Variants in ASXL1 observed in about 807,000 individuals in gnomAD.
ASXL1 encodes ASXL transcriptional regulator 1, also known as polycomb group protein ASXL1.
In ASXL1, 65 loss-of-function variants were observed where a neutral mutation model predicts 89.1. That is an observed-to-expected ratio of 0.73 (90% CI 0.60 to 0.90). ASXL1 has a LOEUF of 0.90. Among genes scored for constraint, ASXL1 ranks in the 40% least tolerant of loss-of-function variants. ASXL1 has a pLI of 0.00. For synonymous variants in ASXL1, 739 were observed against 746.9 expected (o/e 0.99, Z 0.17); for missense variants, 1,786 against 1,942.9 (o/e 0.92, Z 1.52).
At chr20:32,389,138 CAT>C (rs1211624044) in intron 4 of ASXL1, among the ~76,000 whole-genome samples, 2 of 152,070 alleles carry the variant, frequency 1.3e-5, no homozygotes, top group Non-Finnish European at 2.9e-5. Flanking sequence ...TTTTAACCCA[CAT>C]GTGTTACTGA....
chr20:32,423,269 G>A (rs1012259058), intron 4 of ASXL1, among the ~76,000 whole-genome samples: 7 of 151,128 alleles, frequency 4.6e-5, no homozygotes, highest in East Asian at 1.9e-4. Flanking sequence ...TCACTCTGTC[G>A]CCCTGGCTGA....
chr20:32,432,816 C>T (rs2123246793), intron 10 of ASXL1, 64 bp from the exon 11 acceptor site: 2 of 1,579,830 alleles, frequency 1.3e-6, no homozygotes. Flanking sequence ...GGAGATTCAG[C>T]TGTCCATAAG....
chr20:32,433,174 C>G, intron 11 of ASXL1, 110 bp from the exon 12 acceptor site: 1 of 1,558,346 alleles, frequency 6.4e-7, no homozygotes. Flanking sequence ...GTGCACCACA[C>G]AGATTTATTT....
chr20:32,365,513 G>A (rs1600469623), intron 1 of ASXL1, among the ~76,000 whole-genome samples: 1 of 152,166 alleles, frequency 6.6e-6, no homozygotes, highest in African/African-American at 2.4e-5. Flanking sequence ...CTTGGCTATG[G>A]CAGTTAAATG....
intron 1 of ASXL1, among the ~76,000 whole-genome samples, chr20:32,363,559 C>T (rs554858244): frequency 1.4e-4 from 22 of 152,338 alleles, no homozygotes; most frequent in Non-Finnish European, 2.8e-4. Context: ...ATCCCAGTTG[C>T]TGCCTCTTGT....
At chr20:32,394,250 C>T (rs1039082855) in intron 4 of ASXL1, among the ~76,000 whole-genome samples, 2 of 152,232 alleles carry the variant, frequency 1.3e-5, no homozygotes, top group South Asian at 2.1e-4. Context: ...GATCTGCCCG[C>T]CTTGGCCTCC....
At position 32,435,436 on chromosome 20, in the gene ASXL1, G is replaced by A. The variant is rs1285154495; in HGVS notation, c.2724G>A (p.Val908=). ...CCATCCCATCGAATGATGAGGTAGT[G>A]AAACAGCCCAAACCAGAATCCAGAG... ...WIPIPSNDEV[V]KQPKPESREH... is the part of the protein sequence containing the mutation. The change falls in exon 13 of 13, where the codon GTG becomes GTA. Residue 908 remains valine (V), a synonymous_variant. Transcript: ENST00000375687. The A allele has an allele frequency of 6.2e-7, 1 of 1,614,114 alleles. No individual in the cohort carries two copies. Among genetic ancestry groups the A allele is most frequent in the Middle Eastern group, 1.6e-4 (1 of 6,062 alleles).
intron 4 of ASXL1, among the ~76,000 whole-genome samples, chr20:32,426,881 A>T (rs1299832549): frequency 6.6e-6 from 1 of 152,028 alleles, no homozygotes; most frequent in South Asian, 2.1e-4. Context: ...TTAATTTAAG[A>T]TACATGATTT....
rs1308210159 is a variant in ASXL1, at chr20:32,435,018, C to T, written c.2306C>T (p.Thr769Ile). The T allele has an allele frequency of 1.9e-6, 3 of 1,614,214 alleles. No individual in the cohort carries two copies. Among genetic ancestry groups the T allele is most frequent in the South Asian group, 2.2e-5 (2 of 91,084 alleles). ...GCCTTGCCCCTACTGTCCTCCCAAA[C>T]CTCAGTAGCTGAGAGATTAGTGGAG... ...CQALPLLSSQ[T>I]SVAERLVEQP... Residue 769 changes from threonine to isoleucine, a missense_variant, in exon 13 of 13, where the codon ACC becomes ATC. Thr to Ile is a moderately conservative substitution (Grantham distance 89). Coordinates refer to ENST00000375687, the MANE Select transcript of ASXL1 (RefSeq NM_015338.6).
At chr20:32,383,321 T>G (rs1428595975) in intron 4 of ASXL1, among the ~76,000 whole-genome samples, 2 of 151,712 alleles carry the variant, frequency 1.3e-5, no homozygotes, top group Admixed American at 6.6e-5. Flanking sequence ...TTTTTTTTTC[T>G]TTTGAGACGG....
intron 8 of ASXL1, chr20:32,431,009 T>G: frequency 1.8e-6 from 1 of 559,982 alleles, no homozygotes; most frequent in Non-Finnish European, 3.3e-6. Flanking sequence ...GAGCCTGTTC[T>G]CCAGCTTTGG....
intron 4 of ASXL1, among the ~76,000 whole-genome samples, chr20:32,423,570 A>T (rs1217983022): frequency 6.8e-6 from 1 of 146,800 alleles, no homozygotes; most frequent in African/African-American, 2.6e-5. Flanking sequence ...TATGTATTTG[A>T]GATGGAGTTT....
rs2145374575 is a variant in ASXL1 at position 32,435,589 on chromosome 20, C to A, written c.2877C>A (p.Leu959=). 1 of 1,614,148 alleles carries A rather than the reference C, an allele frequency of 6.2e-7. No individual in the cohort carries two copies. The highest frequency in any genetic ancestry group is 8.5e-7 in the Non-Finnish European group (1 of 1,180,038). Residue 959 remains leucine (L), a synonymous_variant, in exon 13 of 13, where the codon CTC becomes CTA. Coordinates refer to ENST00000375687, the MANE Select transcript of ASXL1 (RefSeq NM_015338.6). ...ATCCTCTTGACAGCCTTACTTCACT[C>A]TGGACTGTGCCATCTCGAGGAGGCA... The part of the protein sequence containing the change: ...GLDPLDSLTS[L]WTVPSRGGSD...
At position 32,436,061 on chromosome 20, in the gene ASXL1, C is replaced by A. The variant is rs1172005201; in HGVS notation, c.3349C>A (p.Pro1117Thr). 1 of 1,614,174 alleles carries A rather than the reference C, an allele frequency of 6.2e-7. No homozygotes were observed. Among genetic ancestry groups the A allele is most frequent in the Non-Finnish European group, 8.5e-7 (1 of 1,180,028 alleles). Residue 1117 changes from proline to threonine, a missense_variant, in exon 13 of 13, where the codon CCC (proline) becomes ACC (threonine). Pro to Thr is a conservative substitution (Grantham distance 38). Transcript: ENST00000375687. ...GATGCAGTTGCTGCAGGGTAGCTTG[C>A]CCCTAGAGAAGGTTCTTCCACCAGC... ...LVMQLLQGSL[P>T]LEKVLPPAHD...
intron 3 of ASXL1, among the ~76,000 whole-genome samples, chr20:32,368,089 G>A (rs1213029694): frequency 6.6e-6 from 1 of 152,008 alleles, no homozygotes; most frequent in East Asian, 1.9e-4. Flanking sequence ...ATAAATTAGG[G>A]CTTCTAGTTC....
At chr20:32,362,682 T>C (rs1032435517) in intron 1 of ASXL1, among the ~76,000 whole-genome samples, 3 of 152,112 alleles carry the variant, frequency 2.0e-5, no homozygotes, top group African/African-American at 7.2e-5. Flanking sequence ...AAACCTTTCG[T>C]AGAGGAAAGA....
intron 4 of ASXL1, among the ~76,000 whole-genome samples, chr20:32,397,613 T>C (rs1446859225): frequency 6.6e-6 from 1 of 152,036 alleles, no homozygotes; most frequent in Non-Finnish European, 1.5e-5. Flanking sequence ...TTGGCCAGGC[T>C]GGTGAACTCC....
At chr20:32,364,177 A>G (rs2048168545) in intron 1 of ASXL1, among the ~76,000 whole-genome samples, 1 of 152,118 alleles carries the variant, frequency 6.6e-6, no homozygotes, top group African/African-American at 2.4e-5. Flanking sequence ...GCAGTATGTG[A>G]TTAAGGAGCT....
chr20:32,415,520 A>G (rs2049123630), intron 4 of ASXL1, among the ~76,000 whole-genome samples: 1 of 152,170 alleles, frequency 6.6e-6, no homozygotes, highest in Admixed American at 6.5e-5. Context: ...TGACTGTTTT[A>G]TTCAGAGTTT....
Sources: gnomAD v4.1 joint callset for allele counts (sites outside exome capture counted in the v4.1 genomes callset) on GRCh38, gnomAD v4.1.1 for gene constraint, MANE v1.5 for transcripts, NCBI Gene and HGNC (gene_info 2026-07-23, HGNC 2026-07-21) for gene names.